NEGR1: variants seen among roughly 807,000 people sequenced by gnomAD.
NEGR1 encodes the protein neuronal growth regulator 1.
A neutral mutation model predicts 40.9 loss-of-function variants in NEGR1; 10 were observed. That is an observed-to-expected ratio of 0.24 (90% CI 0.15 to 0.42). The LOEUF (loss-of-function observed/expected upper bound fraction) is 0.42. Ranked by LOEUF, NEGR1 falls within the 10% of genes least tolerant of loss-of-function variation. The probability of loss-of-function intolerance (pLI) is 1.00; values close to 1 mark genes in which losing one functional copy is unlikely to be tolerated. For missense variants in NEGR1, 352 were observed against 438.9 expected (o/e 0.80, Z 1.77); for synonymous variants, 185 against 166.8 (o/e 1.11, Z -0.84).
At chr1:71,480,572 G>A (rs962780979) in intron 6 of NEGR1, among the ~76,000 whole-genome samples, 120 of 151,964 alleles carry the variant, frequency 7.9e-4, no homozygotes, top group Non-Finnish European at 6.0e-4. Flanking sequence ...ATGGCATACA[G>A]TAGATAAGCA....
chr1:71,688,358 T>TATATATAAAAGATATAAAAAAG (rs1653120657), intron 4 of NEGR1, among the ~76,000 whole-genome samples: 2 of 82,286 alleles, frequency 2.4e-5, no homozygotes, highest in Admixed American at 3.0e-4. Context: ...AGATAGATTA[T>TATATATAAAAGATATAAAAAAG]ATATATATGA....
intron 5 of NEGR1, among the ~76,000 whole-genome samples, chr1:71,601,210 C>A (rs1307614231): frequency 6.6e-6 from 1 of 152,176 alleles, no homozygotes; most frequent in Non-Finnish European, 1.5e-5. Flanking sequence ...AACAAGCATA[C>A]ACAAAATGCT....
Position 71,600,330 on chromosome 1 carries a change from A to G in NEGR1, c.789-7362T>C, listed in dbSNP as rs567645945. Among the ~76,000 whole-genome samples, 11 of 152,332 alleles carry G rather than the reference A, an allele frequency of 7.2e-5. No homozygotes were observed. The South Asian group carries it at 1.9e-3, about 26-fold the overall frequency. ...AGGCAGAATCCTCATTTCCAGGTAG[A>G]TTTAGAGCTTAGCAGGAGAGATGAA... On this transcript the variant is annotated intron_variant, in intron 5 of 6. Coordinates refer to ENST00000357731, the MANE Select transcript of NEGR1 (RefSeq NM_173808.3).
chr1:71,528,941 G>A (rs954994337), intron 6 of NEGR1, among the ~76,000 whole-genome samples: 4 of 151,172 alleles, frequency 2.6e-5, no homozygotes, highest in African/African-American at 7.3e-5. Flanking sequence ...TCCAACTTAA[G>A]AGTCTACATT....
chr1:72,274,890 T>C, intron 1 of NEGR1: 1 of 1,596,072 alleles, frequency 6.3e-7, no homozygotes, highest in Non-Finnish European at 8.6e-7. Context: ...AGATCATTAT[T>C]CCACAGAACC....
chr1:71,860,809 A>T (rs1001954545), intron 2 of NEGR1, among the ~76,000 whole-genome samples: 2 of 152,110 alleles, frequency 1.3e-5, no homozygotes, highest in Non-Finnish European at 2.9e-5. Context: ...CCCAGAAAGG[A>T]TAAGCAATTT....
At chr1:72,120,218 T>TA (rs1451819589) in intron 1 of NEGR1, among the ~76,000 whole-genome samples, 2 of 151,992 alleles carry the variant, frequency 1.3e-5, no homozygotes, top group East Asian at 3.9e-4. Flanking sequence ...GCATATTAGA[T>TA]AAAGAGTTAA....
At position 72,040,577 on chromosome 1, in the gene NEGR1, C is replaced by CAAA. The variant is rs5775102; in HGVS notation, c.177-105269_177-105267dup. On this transcript the variant is annotated intron_variant, in intron 1 of 6. Coordinates refer to ENST00000357731, the MANE Select transcript of NEGR1 (RefSeq NM_173808.3). ...TGGCAAGCACAGTAAGAGCACTGAC[C>CAAA]AAAAAAAAAAAAAAAAAAAAAAAAA... 2.3e-3 allele frequency among the ~76,000 whole-genome samples: 68 copies of CAAA among 29,702 alleles called. 4 individuals are homozygous for CAAA. The highest frequency in any genetic ancestry group is 4.9e-3 in the African/African-American group (40 of 8,136). The allele number at this position is 29,702 out of a possible 152,430, so 19.5% of individuals were successfully genotyped here. A position where few individuals can be genotyped will look rare whatever the true frequency, so the allele number is the denominator to read the frequency against.
intron 2 of NEGR1, among the ~76,000 whole-genome samples, chr1:71,862,992 T>A (rs991712436): frequency 6.6e-6 from 1 of 152,182 alleles, no homozygotes; most frequent in Non-Finnish European, 1.5e-5. Flanking sequence ...GCTTTTACAC[T>A]GTTGGTGGGA....
chr1:72,137,753 G>A (rs567910752), intron 1 of NEGR1, among the ~76,000 whole-genome samples: 1 of 152,052 alleles, frequency 6.6e-6, no homozygotes, highest in East Asian at 1.9e-4. Context: ...CGGTGCTCAG[G>A]TACATTATAA....
intron 3 of NEGR1, among the ~76,000 whole-genome samples, chr1:71,744,469 T>C (rs1655319993): frequency 6.6e-6 from 1 of 151,934 alleles, no homozygotes; most frequent in Admixed American, 6.6e-5. Context: ...TCCATATCCA[T>C]ATATCTTTGA....
intron 1 of NEGR1, among the ~76,000 whole-genome samples, chr1:72,119,761 G>T (rs933920363): frequency 6.6e-6 from 1 of 151,956 alleles, no homozygotes; most frequent in African/African-American, 2.4e-5. Context: ...CAATGACCAG[G>T]ACAGCCTCCC....
intron 6 of NEGR1, among the ~76,000 whole-genome samples, chr1:71,568,375 G>A (rs1333999): frequency 6.6e-6 from 1 of 151,982 alleles, no homozygotes; most frequent in Non-Finnish European, 1.5e-5. Flanking sequence ...TTACCTATGA[G>A]AGATTCTCTT....
chr1:71,977,045 G>T (rs958155443), intron 1 of NEGR1, among the ~76,000 whole-genome samples: 2 of 152,152 alleles, frequency 1.3e-5, no homozygotes, highest in African/African-American at 2.4e-5. Context: ...GAAAGTGGCT[G>T]GGAGTGGTGG....
At chr1:72,245,675 C>T (rs1490328931) in intron 1 of NEGR1, among the ~76,000 whole-genome samples, 1 of 152,070 alleles carries the variant, frequency 6.6e-6, no homozygotes. Context: ...TAATTTTAAA[C>T]ATAAGAGAAA....
chr1:71,535,791 A>G (rs1647492092), intron 6 of NEGR1, among the ~76,000 whole-genome samples: 1 of 151,736 alleles, frequency 6.6e-6, no homozygotes, highest in African/African-American at 2.4e-5. Context: ...TCAGTGAGTT[A>G]GAAAGGACTC....
chr1:72,111,316 A>C (rs1649363085), intron 1 of NEGR1, among the ~76,000 whole-genome samples: 1 of 151,698 alleles, frequency 6.6e-6, no homozygotes, highest in South Asian at 2.1e-4. Flanking sequence ...AAGCAGCTAG[A>C]GATAAAGAGT....
At chr1:71,709,773 TA>T (rs1430369087) in intron 3 of NEGR1, among the ~76,000 whole-genome samples, 1 of 152,148 alleles carries the variant, frequency 6.6e-6, no homozygotes, top group African/African-American at 2.4e-5. Flanking sequence ...ACTACAAGAA[TA>T]CATTGGGGAA....
intron 2 of NEGR1, among the ~76,000 whole-genome samples, chr1:71,822,483 C>T (rs556643096): frequency 6.6e-6 from 1 of 152,032 alleles, no homozygotes; most frequent in Non-Finnish European, 1.5e-5. Context: ...ATGAATACTA[C>T]ACATGGGTCC....
Sources: allele counts gnomAD v4.1 joint callset (sites outside exome capture counted in the v4.1 genomes callset), GRCh38; gene constraint gnomAD v4.1.1; transcripts MANE v1.5; gene names NCBI Gene and HGNC (gene_info 2026-07-23, HGNC 2026-07-21).